Variants in PDE1A observed in about 807,000 individuals in gnomAD.
The protein encoded by PDE1A is dual specificity calcium/calmodulin-dependent 3',5'-cyclic nucleotide phosphodiesterase 1A.
Under a neutral mutation model 61.7 loss-of-function variants are expected in PDE1A, and 35 were observed. That is an observed-to-expected ratio of 0.57 (90% CI 0.43 to 0.75). The LOEUF (loss-of-function observed/expected upper bound fraction) is 0.75. PDE1A is among the 30% of genes least tolerant of loss of function. The pLI is 0.00. For synonymous variants in PDE1A, 232 were observed against 213.2 expected (o/e 1.09, Z -0.77); for missense variants, 597 against 630.6 (o/e 0.95, Z 0.57).
In PDE1A at chr2:182,185,826, T is replaced by C. The variant is rs548585035; in HGVS notation, c.1516+66A>G. ...AGAAGAAGAAATCTAGAAGAAGTAA[T>C]CCAAACTCTTAGAGGAGAAGTGAAG... is the stretch of plus-strand genomic sequence containing the variant. On this transcript the variant is annotated intron_variant, in intron 13 of 13. Transcript: ENST00000351439. The C allele has an allele frequency of 3.3e-4, 533 of 1,606,832 alleles. 1 individual carries two copies. The highest frequency in any genetic ancestry group is 3.3e-3 in the Middle Eastern group (20 of 6,054).
At chr2:182,425,050 C>T (rs76448692) in intron 1 of PDE1A, among the ~76,000 whole-genome samples, 1,595 of 152,300 alleles carry the variant, frequency 0.01, 32 homozygotes, top group African/African-American at 0.037. Flanking sequence ...TTCCCCATAG[C>T]ACCTAAGCAT....
At chr2:182,294,017 T>C (rs1045714194) in intron 1 of PDE1A, among the ~76,000 whole-genome samples, 9 of 152,342 alleles carry the variant, frequency 5.9e-5, no homozygotes, top group African/African-American at 2.2e-4. Flanking sequence ...GATGGGTAAG[T>C]AGCATATATA....
chr2:182,373,745 G>T (rs1181582150), intron 1 of PDE1A, among the ~76,000 whole-genome samples: 2 of 152,054 alleles, frequency 1.3e-5, no homozygotes, highest in South Asian at 2.1e-4. Context: ...TTTTTCACAT[G>T]AGCTTGTTTA....
chr2:182,298,368 C>T (rs1267560383), intron 1 of PDE1A, among the ~76,000 whole-genome samples: 1 of 152,152 alleles, frequency 6.6e-6, no homozygotes, highest in African/African-American at 2.4e-5. Context: ...TTAAACACAC[C>T]TGTCTTCTCC....
At chr2:182,170,997 A>C (rs778686539) in intron 13 of PDE1A, among the ~76,000 whole-genome samples, 2 of 152,016 alleles carry the variant, frequency 1.3e-5, no homozygotes, top group Non-Finnish European at 2.9e-5. Context: ...ACCAATTTTA[A>C]ATGTTTCTCT....
rs538669932 is a variant in PDE1A, at chr2:182,268,520, G to T, written c.54-4106C>A. Reference sequence around the variant, plus strand: ...TGTGCACAACAATACCTTCTTCAAGGTATTTGCAATCTCTGAGGGGTGTAT... The same window carrying T: ...TGTGCACAACAATACCTTCTTCAAGTTATTTGCAATCTCTGAGGGGTGTAT... On this transcript the variant is annotated intron_variant, in intron 1 of 13. Coordinates refer to ENST00000351439, the Ensembl canonical transcript of PDE1A. 2.6e-5 allele frequency among the ~76,000 whole-genome samples: 4 copies of T among 152,006 alleles called. No individual in the cohort carries two copies. In the South Asian group the frequency reaches 8.3e-4, roughly 32 times the overall value.
chr2:182,444,758 G>A (rs145955882), intron 2 of PDE1A, among the ~76,000 whole-genome samples: 1 of 151,942 alleles, frequency 6.6e-6, no homozygotes, highest in East Asian at 1.9e-4. Flanking sequence ...AAAAGAAATC[G>A]TCATCTATCC....
chr2:182,495,777 A>G (rs1437025661), intron 2 of PDE1A, among the ~76,000 whole-genome samples: 1 of 152,090 alleles, frequency 6.6e-6, no homozygotes, highest in Non-Finnish European at 1.5e-5. Flanking sequence ...TCCAAATCCT[A>G]CCCTTCATTA....
At chr2:182,266,688 G>C (rs1692655370) in intron 1 of PDE1A, among the ~76,000 whole-genome samples, 1 of 152,166 alleles carries the variant, frequency 6.6e-6, no homozygotes. Flanking sequence ...GTGCATGGAG[G>C]TTGTTGGTGA....
intron 1 of PDE1A, among the ~76,000 whole-genome samples, chr2:182,382,870 T>C (rs928332777): frequency 6.6e-6 from 1 of 152,226 alleles, no homozygotes; most frequent in Non-Finnish European, 1.5e-5. Context: ...TAGCATTTTG[T>C]GTAAGTTAAT....
chr2:182,566,498 A>T, the PDE1A span, among the ~76,000 whole-genome samples: 1 of 151,134 alleles, frequency 6.6e-6, no homozygotes, highest in Admixed American at 6.6e-5. Flanking sequence ...GCTATGCATA[A>T]TATAAATTAT....
intron 2 of PDE1A, among the ~76,000 whole-genome samples, chr2:182,514,553 TAACA>T (rs973812751): frequency 5.9e-5 from 9 of 152,136 alleles, no homozygotes; most frequent in African/African-American, 2.2e-4. Flanking sequence ...AAGTCAACGA[TAACA>T]AACAATGAAG....
chr2:182,343,884 T>TC (rs1698354037), intron 1 of PDE1A, among the ~76,000 whole-genome samples: 1 of 151,866 alleles, frequency 6.6e-6, no homozygotes, highest in Admixed American at 6.6e-5. Context: ...TTTTTTTTTT[T>TC]TTGTTGAGGC....
chr2:182,542,492 G>T, the PDE1A span, among the ~76,000 whole-genome samples: 1 of 152,098 alleles, frequency 6.6e-6, no homozygotes, highest in Non-Finnish European at 1.5e-5. Context: ...TAAATTTAAT[G>T]AATATATTAA....
the PDE1A span, among the ~76,000 whole-genome samples, chr2:182,537,132 G>GCAAC: frequency 6.6e-6 from 1 of 152,170 alleles, no homozygotes; most frequent in Non-Finnish European, 1.5e-5. Context: ...GCTGTTTTAA[G>GCAAC]CAACTAAGCT....
At chr2:182,260,034 C>T (rs1266038958) in intron 2 of PDE1A, among the ~76,000 whole-genome samples, 2 of 152,144 alleles carry the variant, frequency 1.3e-5, no homozygotes, top group Non-Finnish European at 2.9e-5. Context: ...GGGTATTGTG[C>T]TATTATCTCC....
At chr2:182,502,464 C>A (rs919973340) in intron 2 of PDE1A, among the ~76,000 whole-genome samples, 5 of 152,160 alleles carry the variant, frequency 3.3e-5, no homozygotes, top group African/African-American at 1.2e-4. Flanking sequence ...AACTTTCACT[C>A]CCTGAACGTT....
At chr2:182,665,883 G>A in the PDE1A span, among the ~76,000 whole-genome samples, 13 of 152,290 alleles carry the variant, frequency 8.5e-5, no homozygotes, top group East Asian at 2.5e-3. Flanking sequence ...ATACTATGCA[G>A]CCATAAAAAG....
chr2:182,473,651 C>A (rs960142887), intron 2 of PDE1A, among the ~76,000 whole-genome samples: 2 of 151,808 alleles, frequency 1.3e-5, no homozygotes, highest in Admixed American at 1.3e-4. Context: ...TACCTTCCAC[C>A]CTCTGATAGG....
Sources: allele counts gnomAD v4.1 joint callset (sites outside exome capture counted in the v4.1 genomes callset), GRCh38; gene constraint gnomAD v4.1.1; transcripts MANE v1.5; gene names NCBI Gene and HGNC (gene_info 2026-07-23, HGNC 2026-07-21).